Variants in RNF216 observed in about 807,000 individuals in gnomAD.
RNF216 encodes the protein ring finger protein 216.
Under a neutral mutation model 110.8 loss-of-function variants are expected in RNF216, and 72 were observed. The observed-to-expected ratio is 0.65, with a 90% CI of 0.54 to 0.79. The LOEUF is 0.79. RNF216 is among the 30% of genes least tolerant of loss of function. The pLI, the probability that RNF216 is intolerant of heterozygous loss-of-function variation, is 0.00. For synonymous variants in RNF216, 495 were observed against 407.5 expected, an observed-to-expected ratio of 1.21 and a Z score of -2.59; for missense variants, 1,342 against 1,141.2, an observed-to-expected ratio of 1.18 and a Z score of -2.54.
Position 5,741,046 on chromosome 7 carries a change from T to G in RNF216, c.971A>C (p.Asn324Thr), listed in dbSNP as rs148428368. 3.7e-6 allele frequency: 6 copies of G among 1,614,120 alleles called. No homozygotes were observed. The African/African-American group carries it at 8.0e-5, about 22-fold the overall frequency. The change falls in exon 4 of 17, where the codon AAT (asparagine) becomes ACT (threonine). Residue 324 changes from asparagine (N) to threonine (T), a missense_variant. Asn to Thr is a moderately conservative substitution (Grantham distance 65, BLOSUM62 0). Coordinates refer to ENST00000389902, the MANE Select transcript of RNF216 (RefSeq NM_207111.4). ...TTCTTGCCCCCAAATGTTTTCCAAA[T>G]TGGGCTCTTGAGATTCTTGCATTGG... is the stretch of plus-strand genomic sequence containing the variant. Reference protein sequence around the residue: ...AFPMQESQEPNLENIWGQEAA... With the variant: ...AFPMQESQEPTLENIWGQEAA...
At chr7:5,739,986 G>C (rs554004983) in intron 4 of RNF216, among the ~76,000 whole-genome samples, 2 of 140,882 alleles carry the variant, frequency 1.4e-5, no homozygotes, top group African/African-American at 5.2e-5. Flanking sequence ...CTGGGTGACA[G>C]AGTGAGACTC....
chr7:5,693,332 A>AC (rs1179736791), intron 13 of RNF216, among the ~76,000 whole-genome samples: 1 of 152,040 alleles, frequency 6.6e-6, no homozygotes, highest in Admixed American at 6.6e-5. Flanking sequence ...AAGTCTGCTG[A>AC]CCCCTGGTAT....
At chr7:5,665,551 T>C (rs1367633262) in intron 13 of RNF216, among the ~76,000 whole-genome samples, 1 of 152,140 alleles carries the variant, frequency 6.6e-6, no homozygotes, top group Non-Finnish European at 1.5e-5. Flanking sequence ...GTTTCTGTGC[T>C]AATGCTGCCC....
Position 5,741,796 on chromosome 7 carries a change from G to C in RNF216, c.221C>G (p.Ser74Ter). The change falls in exon 4 of 17, where the codon TCA (serine) becomes TGA (stop). Residue 74 changes from serine (S) to a stop codon, truncating the protein, a stop_gained. Transcript: ENST00000389902. LOFTEE classifies it high-confidence loss of function. ...AGCTGGTTTGATGAGATTGGGTCGT[G>C]ATCTCTGAGGTTTATTTGTCTAAGA... The part of the protein sequence containing the change: ...ILTETNKPQR[S>*]RPNLIKPAAQ... The C allele has an allele frequency of 3.8e-6, 6 of 1,599,498 alleles. No individual in the cohort carries two copies. The highest frequency in any genetic ancestry group is 5.1e-6 in the Non-Finnish European group (6 of 1,175,718).
intron 9 of RNF216, among the ~76,000 whole-genome samples, chr7:5,720,652 G>T (rs1793361898): frequency 6.6e-6 from 1 of 152,056 alleles, no homozygotes; most frequent in South Asian, 2.1e-4. Flanking sequence ...GGGAAACCCA[G>T]GGATCTCTGG....
In RNF216 at chr7:5,730,176, G is replaced by C. The variant is rs73673188; in HGVS notation, c.1224+539C>G. On this transcript the variant is annotated intron_variant, in intron 6 of 16. Transcript: ENST00000389902. ...AATGACCTGCATGCTGAAGTACTTAGAGGGAAGTGTACTCATGTTTTTGCA... is the reference window on the plus strand; with the variant it reads ...AATGACCTGCATGCTGAAGTACTTACAGGGAAGTGTACTCATGTTTTTGCA... 3.0e-3 allele frequency among the ~76,000 whole-genome samples: 458 copies of C among 152,296 alleles called. 2 individuals are homozygous for C. The highest frequency in any genetic ancestry group is 0.01 in the African/African-American group (435 of 41,570).
Position 5,741,666 on chromosome 7 carries a change from T to G in RNF216, c.351A>C (p.Pro117=), listed in dbSNP as rs141138684. The G allele has an allele frequency of 1.9e-6, 3 of 1,614,026 alleles. No homozygotes were observed. The highest frequency in any genetic ancestry group is 2.5e-6 in the Non-Finnish European group (3 of 1,180,026). Residue 117 remains proline, a synonymous_variant, in exon 4 of 17, where the codon CCA becomes CCC. Coordinates refer to ENST00000389902, the MANE Select transcript of RNF216 (RefSeq NM_207111.4). The part of the protein sequence containing the change: ...KSSYFSVCNN[P]LFDSGAQDDS... ...CATCCTGTGCCCCAGAATCAAACAA[T>G]GGGTTGTTACACACTGAAAAATAGC...
chr7:5,715,907 A>G (rs1279304445), intron 10 of RNF216, among the ~76,000 whole-genome samples: 1 of 151,880 alleles, frequency 6.6e-6, no homozygotes, highest in African/African-American at 2.4e-5. Flanking sequence ...ATGCCCAGCT[A>G]ATTTTTTGTA....
chr7:5,687,926 G>A (rs895909913), intron 13 of RNF216, among the ~76,000 whole-genome samples: 4 of 152,202 alleles, frequency 2.6e-5, no homozygotes, highest in African/African-American at 4.8e-5. Flanking sequence ...TATGTAGGTC[G>A]TGTCCAGAAT....
chr7:5,679,206 G>A (rs913550543), intron 13 of RNF216, among the ~76,000 whole-genome samples: 1 of 151,984 alleles, frequency 6.6e-6, no homozygotes, highest in Non-Finnish European at 1.5e-5. Flanking sequence ...GTGGTGGTGC[G>A]GTGGCGGGGG....
At chr7:5,716,913 A>C (rs894001599) in intron 9 of RNF216, 147 bp from the exon 10 acceptor site, 2 of 541,590 alleles carry the variant, frequency 3.7e-6, no homozygotes, top group African/African-American at 3.8e-5. Flanking sequence ...CCTGTGAATA[A>C]ATTTTAAGTG....
intron 13 of RNF216, among the ~76,000 whole-genome samples, chr7:5,694,978 T>G (rs1337626479): frequency 6.6e-6 from 1 of 152,222 alleles, no homozygotes; most frequent in African/African-American, 2.4e-5. Context: ...AACTAAGAAC[T>G]GTATTTCTAT....
In RNF216 at chr7:5,729,458, T is replaced by C; in HGVS notation, c.1363A>G (p.Lys455Glu). ...TTTCGGGTGATTGCATAGTGTCCTT[T>C]GAGCTCGTGCAGGGCCCACTTGATG... ...QDIKWALHEL[K>E]GHYAITRKAL... The change falls in exon 7 of 17, where the codon AAA becomes GAA. Residue 455 changes from lysine (K) to glutamate (E), a missense_variant. Coordinates refer to ENST00000389902, the MANE Select transcript of RNF216 (RefSeq NM_207111.4). 1.9e-6 allele frequency: 3 copies of C among 1,614,186 alleles called. No homozygotes were observed. Among genetic ancestry groups the C allele is most frequent in the Non-Finnish European group, 2.5e-6 (3 of 1,180,034 alleles).
chr7:5,730,685 G>C (rs1226850622), intron 6 of RNF216, 30 bp downstream of exon 6: 1 of 1,598,056 alleles, frequency 6.3e-7, no homozygotes, highest in Non-Finnish European at 8.5e-7. Flanking sequence ...TTTCCAGGCA[G>C]TGACTGCAAA....
intron 2 of RNF216, among the ~76,000 whole-genome samples, chr7:5,753,674 A>C (rs1035242352): frequency 6.6e-6 from 1 of 152,120 alleles, no homozygotes; most frequent in Non-Finnish European, 1.5e-5. Flanking sequence ...GTTCCATGGG[A>C]ATATCAAAGG....
chr7:5,740,142 T>G (rs1330489840), intron 4 of RNF216, among the ~76,000 whole-genome samples: 7 of 72,820 alleles, frequency 9.6e-5, no homozygotes, highest in Admixed American at 3.0e-4. Context: ...TTTTTTTTTT[T>G]GTGAGATAGA....
chr7:5,664,701 C>G (rs555331261), intron 13 of RNF216, among the ~76,000 whole-genome samples: 2 of 152,236 alleles, frequency 1.3e-5, no homozygotes, highest in Non-Finnish European at 1.5e-5. Flanking sequence ...GTAGGCTGCA[C>G]GCTTCCCCCA....
At chr7:5,627,608 G>A (rs772855268) in intron 15 of RNF216, among the ~76,000 whole-genome samples, 2 of 151,896 alleles carry the variant, frequency 1.3e-5, no homozygotes, top group Admixed American at 6.6e-5. Flanking sequence ...TTAGCTGAGC[G>A]TGGTGGTACA....
chr7:5,734,271 T>C (rs1054125453), intron 5 of RNF216, among the ~76,000 whole-genome samples: 2 of 152,144 alleles, frequency 1.3e-5, no homozygotes, highest in African/African-American at 4.8e-5. Flanking sequence ...CATTTAGCAA[T>C]GGAAAATATA....
Sources: gnomAD v4.1 joint callset for allele counts (sites outside exome capture counted in the v4.1 genomes callset) on GRCh38, gnomAD v4.1.1 for gene constraint, MANE v1.5 for transcripts, NCBI Gene and HGNC (gene_info 2026-07-23, HGNC 2026-07-21) for gene names.